CDK5RAP2: variants seen among roughly 807,000 people sequenced by gnomAD.
The protein encoded by CDK5RAP2 is CDK5 regulatory subunit-associated protein 2.
In CDK5RAP2, 147 loss-of-function variants were observed where a neutral mutation model predicts 232.9. The observed-to-expected ratio is 0.63, with a 90% confidence interval of 0.55 to 0.72. The LOEUF (loss-of-function observed/expected upper bound fraction) is 0.72, where lower values mean the gene tolerates loss of function less well. Among genes scored for constraint, CDK5RAP2 ranks in the 30% least tolerant of loss-of-function variants. The pLI, the probability that CDK5RAP2 is intolerant of heterozygous loss-of-function variation, is 0.00. For missense variants in CDK5RAP2, 2,195 were observed against 2,231.5 expected, an observed-to-expected ratio of 0.98 and a Z score of 0.33; for synonymous variants, 833 against 833.7, an observed-to-expected ratio of 1.00 and a Z score of 0.01.
At chr9:120,483,583 T>C (rs568551208) in intron 14 of CDK5RAP2, among the ~76,000 whole-genome samples, 4 of 152,380 alleles carry the variant, frequency 2.6e-5, no homozygotes, top group African/African-American at 7.2e-5. Flanking sequence ...TGTGGGGTTC[T>C]ATGGCTTGCA....
chr9:120,467,491 T>G (rs1226697202), intron 18 of CDK5RAP2, among the ~76,000 whole-genome samples: 1 of 152,132 alleles, frequency 6.6e-6, no homozygotes, highest in Non-Finnish European at 1.5e-5. Context: ...AAAGGGAATT[T>G]CAGTTAGAGA....
intron 3 of CDK5RAP2, among the ~76,000 whole-genome samples, chr9:120,563,201 G>C (rs1588663802): frequency 6.6e-6 from 1 of 152,278 alleles, no homozygotes. Context: ...GGGAGAAAGG[G>C]TGTCCAGGCA....
intron 14 of CDK5RAP2, among the ~76,000 whole-genome samples, chr9:120,478,655 C>A (rs995926435): frequency 6.6e-6 from 1 of 152,100 alleles, no homozygotes; most frequent in Non-Finnish European, 1.5e-5. Context: ...GTGGCATGCA[C>A]CTATAGTCCC....
intron 25 of CDK5RAP2, among the ~76,000 whole-genome samples, chr9:120,423,192 T>C (rs140093915): frequency 2.6e-5 from 4 of 152,346 alleles, no homozygotes; most frequent in African/African-American, 9.6e-5. Context: ...TAGTATATTA[T>C]TATTATAGCC....
At chr9:120,554,233 T>C (rs571020482) in intron 3 of CDK5RAP2, among the ~76,000 whole-genome samples, 28 of 152,380 alleles carry the variant, frequency 1.8e-4, no homozygotes, top group Admixed American at 7.8e-4. Flanking sequence ...AAGTACACTG[T>C]ATATTTGTAC....
intron 12 of CDK5RAP2, among the ~76,000 whole-genome samples, chr9:120,505,549 G>A (rs2039772004): frequency 6.6e-6 from 1 of 152,220 alleles, no homozygotes; most frequent in African/African-American, 2.4e-5. Flanking sequence ...TAAGCTTAGT[G>A]AGGAAGGCAT....
chr9:120,439,702 C>T lies in CDK5RAP2; in HGVS notation c.3419G>A (p.Ser1140Asn), dbSNP rs1356163684. ...ACACAAAACTGTAATTATGGCCTCA[C>T]TGCACTGGGAGTGCTTTTGAAGCTG... ...IFQLQKHSQC[S>N]EAIITVLCGT... The change falls in exon 24 of 38, where the codon AGT becomes AAT. Residue 1140 changes from serine to asparagine, a missense_variant. By Grantham distance (46) the Ser-to-Asn change is conservative (BLOSUM62 1). Transcript: ENST00000349780. 6.2e-7 allele frequency: 1 copy of T among 1,614,110 alleles called. No homozygotes were observed. Among genetic ancestry groups the T allele is most frequent in the Non-Finnish European group, 8.5e-7 (1 of 1,180,046 alleles).
chr9:120,389,602 A>G (rs758835625), intron 37 of CDK5RAP2, 139 bp downstream of exon 37: 170 of 808,384 alleles, frequency 2.1e-4, no homozygotes, highest in Non-Finnish European at 3.2e-4. Flanking sequence ...CTTTTCATGC[A>G]CTGCTGGCAG....
rs1163545923 is a variant in CDK5RAP2, at chr9:120,539,133, C to T, written c.415G>A (p.Gly139Ser). The T allele has an allele frequency of 5.6e-6, 9 of 1,613,864 alleles. No individual in the cohort carries two copies. The highest frequency in any genetic ancestry group is 7.6e-6 in the Non-Finnish European group (9 of 1,179,904). The change falls in exon 6 of 38, where the codon GGC (glycine) becomes AGC (serine). Residue 139 changes from glycine (G) to serine (S), a missense_variant. Transcript: ENST00000349780. ...KAVESLAEAGGSEIQRVKEDA... is the reference protein window; with the variant it reads ...KAVESLAEAGSSEIQRVKEDA... The stretch of plus-strand genomic sequence containing the variant: ...TCTTTCACCCGCTGGATTTCAGAGC[C>T]ACCTGCTTCAGCTAAGCTCTCAACT...
rs574563340 is a variant in CDK5RAP2 at position 120,452,595 on chromosome 9, G to T, written c.2793+861C>A. On this transcript the variant is annotated intron_variant, in intron 21 of 37. Coordinates refer to ENST00000349780, the MANE Select transcript of CDK5RAP2 (RefSeq NM_018249.6). ...CTATAGGGATTCTTGGCCGTGGGGG[G>T]GTCAAGCCGTGACCTCAAGAGGATT... is the stretch of plus-strand genomic sequence containing the variant. Among the ~76,000 whole-genome samples, 7 of 151,618 alleles carry T rather than the reference G, an allele frequency of 4.6e-5. No individual in the cohort carries two copies. In the East Asian group the frequency reaches 1.2e-3, roughly 25 times the overall value.
At chr9:120,535,153 C>A (rs1250784310) in intron 7 of CDK5RAP2, among the ~76,000 whole-genome samples, 12 of 152,226 alleles carry the variant, frequency 7.9e-5, no homozygotes, top group Non-Finnish European at 1.8e-4. Context: ...ATAAAACTTT[C>A]ATTTTCCAGA....
At chr9:120,402,018 A>G (rs951108910) in intron 34 of CDK5RAP2, among the ~76,000 whole-genome samples, 1 of 152,084 alleles carries the variant, frequency 6.6e-6, no homozygotes, top group Non-Finnish European at 1.5e-5. Context: ...ACTGCCAGGC[A>G]TGATAGCTGA....
intron 30 of CDK5RAP2, 121 bp downstream of exon 30, chr9:120,409,006 T>C: frequency 1.1e-6 from 1 of 884,006 alleles, no homozygotes; most frequent in Non-Finnish European, 1.9e-6. Flanking sequence ...TACAATGTGT[T>C]TGTGTCTACT....
chr9:120,496,997 A>C (rs1032497441), intron 12 of CDK5RAP2, among the ~76,000 whole-genome samples: 1 of 137,236 alleles, frequency 7.3e-6, no homozygotes, highest in African/African-American at 3.2e-5. Context: ...AAGATTGAGA[A>C]ATCGGATGGT....
chr9:120,505,424 T>C (rs181934386), intron 12 of CDK5RAP2, among the ~76,000 whole-genome samples: 2 of 152,126 alleles, frequency 1.3e-5, no homozygotes, highest in Non-Finnish European at 2.9e-5. Context: ...CTATGCCCTA[T>C]GATACAACAA....
At chr9:120,558,050 G>C in intron 3 of CDK5RAP2, among the ~76,000 whole-genome samples, 1 of 143,798 alleles carries the variant, frequency 7.0e-6, no homozygotes, top group East Asian at 2.3e-4. Flanking sequence ...ACAGGCGTGA[G>C]CCACCGTGCC....
intron 12 of CDK5RAP2, among the ~76,000 whole-genome samples, chr9:120,513,972 C>G (rs148018098): frequency 3.9e-5 from 6 of 152,300 alleles, no homozygotes; most frequent in Non-Finnish European, 7.3e-5. Context: ...CACCATAATG[C>G]AAAGACACCA....
Position 120,487,388 on chromosome 9 carries a change from A to C in CDK5RAP2, c.1532T>G (p.Met511Arg). Reference protein sequence around the residue: ...LEVIQQNCYLMAAEDLELRSE... With the variant: ...LEVIQQNCYLRAAEDLELRSE... ...CCTGAGCTCAAGATCCTCTGCAGCC[A>C]TTAAATAGCAGTTCTGCTGTATTAC... The change falls in exon 14 of 38, where the codon ATG (methionine) becomes AGG (arginine). Residue 511 changes from methionine (M) to arginine (R), a missense_variant. By Grantham distance (91) the Met-to-Arg change is moderately conservative. Coordinates refer to ENST00000349780, the MANE Select transcript of CDK5RAP2 (RefSeq NM_018249.6). 2.5e-6 allele frequency: 4 copies of C among 1,613,856 alleles called. No individual in the cohort carries two copies. The highest frequency in any genetic ancestry group is 3.4e-6 in the Non-Finnish European group (4 of 1,179,852).
rs113297345 is a variant in CDK5RAP2 at position 120,389,153 on chromosome 9, A to G, written c.*83T>C. 9 of 1,153,974 alleles carry G rather than the reference A, an allele frequency of 7.8e-6. No homozygotes were observed. Among genetic ancestry groups the G allele is most frequent in the African/African-American group, 4.6e-5 (3 of 65,424 alleles). The allele number at this position is 1,153,974 out of a possible 1,614,324, so 71.5% of individuals were successfully genotyped here. A position where few individuals can be genotyped will look rare whatever the true frequency, so the allele number is the denominator to read the frequency against. On this transcript the variant is annotated 3_prime_UTR_variant, in exon 38 of 38. Coordinates refer to ENST00000349780, the MANE Select transcript of CDK5RAP2 (RefSeq NM_018249.6). ...TTGGCCAGACAGCTCTTTCTTCCTC[A>G]ATAAATAGGAACCACACTTGGAACA...
Sources: allele counts gnomAD v4.1 joint callset (sites outside exome capture counted in the v4.1 genomes callset), GRCh38; gene constraint gnomAD v4.1.1; transcripts MANE v1.5; gene names NCBI Gene and HGNC (gene_info 2026-07-23, HGNC 2026-07-21).